Variants in OR1L8 observed in about 807,000 individuals in gnomAD.
OR1L8 encodes olfactory receptor family 1 subfamily L member 8.
For missense variants in OR1L8, 330 were observed against 377.4 expected (o/e 0.87, Z 1.04); for synonymous variants, 148 against 147.0 (o/e 1.01, Z -0.05).
downstream of OR1L8, among the ~76,000 whole-genome samples, chr9:122,563,856 A>G (rs1157988390): frequency 7.1e-6 from 1 of 141,664 alleles, no homozygotes; most frequent in Non-Finnish European, 1.6e-5. Context: ...AACATCATAT[A>G]TTGAAGAAAC....
downstream of OR1L8, among the ~76,000 whole-genome samples, chr9:122,563,779 A>T (rs1928621): frequency 0.58 from 88,415 of 152,066 alleles, 26,220 homozygotes; most frequent in East Asian, 0.97. Context: ...TCTTTTGAGC[A>T]GAGTTTTGTA....
chr9:122,566,172 T>G (rs916405720), downstream of OR1L8, among the ~76,000 whole-genome samples: 2 of 152,254 alleles, frequency 1.3e-5, no homozygotes, highest in African/African-American at 4.8e-5. Context: ...TATCAAATTG[T>G]CTACTAAAGT....
At chr9:122,547,022 C>T in the OR1L8 span, among the ~76,000 whole-genome samples, 1 of 151,896 alleles carries the variant, frequency 6.6e-6, no homozygotes, top group Admixed American at 6.6e-5. Context: ...AGTCATCCTA[C>T]AGTGGTATAG....
At chr9:122,554,024 A>G in the OR1L8 span, 1 of 1,613,776 alleles carries the variant, frequency 6.2e-7, no homozygotes, top group Non-Finnish European at 8.5e-7. Context: ...CTTACTCTAC[A>G]GAGAGGGAAA....
At chr9:122,571,736 C>T (rs908805830) in intron 4 of OR1L8, among the ~76,000 whole-genome samples, 1 of 151,162 alleles carries the variant, frequency 6.6e-6, no homozygotes, top group African/African-American at 2.4e-5. Context: ...AAAAATTGAC[C>T]ATGCATGGTG....
At chr9:122,582,407 A>C (rs1829748540) in intron 1 of OR1L8, among the ~76,000 whole-genome samples, 1 of 152,132 alleles carries the variant, frequency 6.6e-6, no homozygotes. Context: ...AAGTTCCAAA[A>C]TTTATGAGTT....
chr9:122,563,514 C>T (rs1829384219), downstream of OR1L8, among the ~76,000 whole-genome samples: 1 of 152,130 alleles, frequency 6.6e-6, no homozygotes, highest in Admixed American at 6.5e-5. Flanking sequence ...ACATATTAAC[C>T]TCTTGACAGA....
At chr9:122,554,118 G>A in the OR1L8 span, 3 of 1,613,380 alleles carry the variant, frequency 1.9e-6, no homozygotes, top group African/African-American at 2.7e-5. Context: ...CATGAAGGAG[G>A]CTTTGGGTAA....
At chr9:122,554,950 T>A in the OR1L8 span, among the ~76,000 whole-genome samples, 1 of 152,156 alleles carries the variant, frequency 6.6e-6, no homozygotes. Context: ...TGCTGGAAAT[T>A]TTTAGGGCAA....
chr9:122,568,349 G>A lies in OR1L8; in HGVS notation c.129C>T (p.Asn43=), dbSNP rs757259936. 1.2e-6 allele frequency: 2 copies of A among 1,614,116 alleles called. No homozygotes were observed. The highest frequency in any genetic ancestry group is 1.3e-5 in the African/African-American group (1 of 75,040). ...AGCGAATGGCCAGGATGATGAGCAG[G>A]TTCCCTGTTATGGTGACCAGGTACA... The part of the protein sequence containing the change: ...LIVYLVTITG[N]LLIILAIRFN... The change falls in exon 5 of 5, where the codon AAC becomes AAT. Residue 43 remains asparagine, a synonymous_variant. Coordinates refer to ENST00000641027, the MANE Select transcript of OR1L8 (RefSeq NM_001004454.2).
chr9:122,558,251 G>T, the OR1L8 span, among the ~76,000 whole-genome samples: 435 of 108,512 alleles, frequency 4.0e-3, no homozygotes, highest in African/African-American at 0.014. Context: ...TTTTTTTCTT[G>T]TGCTTACTTT....
intron 3 of OR1L8, among the ~76,000 whole-genome samples, chr9:122,574,200 C>G (rs1382168725): frequency 6.6e-6 from 1 of 152,044 alleles, no homozygotes; most frequent in Non-Finnish European, 1.5e-5. Flanking sequence ...TCTTTTGCCT[C>G]TACATATAAA....
At chr9:122,562,627 C>T (rs997552738), downstream of OR1L8, among the ~76,000 whole-genome samples, 6 of 152,166 alleles carry the variant, frequency 3.9e-5, no homozygotes, top group Admixed American at 6.5e-5. Context: ...CCTTCCTCTC[C>T]GTGTGTCATA....
rs1829667517 is a variant in OR1L8 at position 122,576,896 on chromosome 9, A to G, written c.-472T>C. The G allele has an allele frequency of 6.6e-6, 1 of 152,166 alleles. No individual in the cohort carries two copies. Among genetic ancestry groups the G allele is most frequent in the African/African-American group, 2.4e-5 (1 of 41,432 alleles). The allele number at this position is 152,166 out of a possible 1,614,324, so 9.4% of individuals were successfully genotyped here. ...GTTGCCGTGTGACCTCACTTCTCTG[A>G]TGGATCTAAAAAGAATGTTGATTTT... On this transcript the variant is annotated 5_prime_UTR_variant, in exon 3 of 5. Transcript: ENST00000641027.
At chr9:122,559,674 T>G in the OR1L8 span, among the ~76,000 whole-genome samples, 3 of 145,172 alleles carry the variant, frequency 2.1e-5, no homozygotes, top group Non-Finnish European at 4.5e-5. Flanking sequence ...TTGATTTCAC[T>G]GTGGTCTGAG....
chr9:122,572,435 G>A (rs774306974), intron 4 of OR1L8, among the ~76,000 whole-genome samples: 1 of 152,204 alleles, frequency 6.6e-6, no homozygotes, highest in Non-Finnish European at 1.5e-5. Context: ...CCAGACTGTA[G>A]ACATGAGGAT....
chr9:122,579,148 T>TG (rs1370947041), intron 1 of OR1L8, among the ~76,000 whole-genome samples: 1 of 152,060 alleles, frequency 6.6e-6, no homozygotes, highest in African/African-American at 2.4e-5. Flanking sequence ...TTTTCATGAA[T>TG]GGGGCTTGGT....
chr9:122,574,313 A>G lies in OR1L8; in HGVS notation c.-341-1405T>C, dbSNP rs570366617. On this transcript the variant is annotated intron_variant, in intron 3 of 4. Coordinates refer to ENST00000641027, the MANE Select transcript of OR1L8 (RefSeq NM_001004454.2). ...AATTCAGGAGAATTGACCTTTTGAT[A>G]ATATTGAGCCTTCTTATTCATGAAC... 8.5e-5 allele frequency among the ~76,000 whole-genome samples: 13 copies of G among 152,280 alleles called. No individual in the cohort carries two copies. In the South Asian group the frequency reaches 2.7e-3, roughly 32 times the overall value.
At chr9:122,572,445 T>C (rs900833285) in intron 4 of OR1L8, among the ~76,000 whole-genome samples, 2 of 152,132 alleles carry the variant, frequency 1.3e-5, no homozygotes, top group African/African-American at 4.8e-5. Context: ...GACATGAGGA[T>C]CACCCATGCT....
Sources: gnomAD v4.1 joint callset for allele counts (sites outside exome capture counted in the v4.1 genomes callset) on GRCh38, gnomAD v4.1.1 for gene constraint, MANE v1.5 for transcripts, NCBI Gene and HGNC (gene_info 2026-07-23, HGNC 2026-07-21) for gene names.